Variants in FSTL5 observed in about 807,000 individuals in gnomAD.
FSTL5 encodes follistatin like 5, also known as follistatin-related protein 5.
FSTL5 carries 62 observed loss-of-function variants against 89.1 expected under a neutral mutation model. That is an observed-to-expected ratio of 0.70 (90% confidence interval 0.57 to 0.86). The LOEUF is 0.86. Ranked by LOEUF, FSTL5 falls within the 40% of genes least tolerant of loss-of-function variation. The probability of loss-of-function intolerance (pLI) is 0.00; values close to 1 mark genes in which losing one functional copy is unlikely to be tolerated. For missense variants in FSTL5, 1,057 were observed against 1,001.6 expected (o/e 1.06, Z -0.75); for synonymous variants, 383 against 346.2 (o/e 1.11, Z -1.18).
At chr4:161,648,789 GCTGT>G (rs1313188341) in intron 7 of FSTL5, among the ~76,000 whole-genome samples, 1 of 152,138 alleles carries the variant, frequency 6.6e-6, no homozygotes, top group East Asian at 1.9e-4. Context: ...ATACTAAAAA[GCTGT>G]CTGTCTTATG....
intron 6 of FSTL5, among the ~76,000 whole-genome samples, chr4:161,697,582 G>A (rs1367739950): frequency 1.3e-5 from 2 of 152,116 alleles, no homozygotes; most frequent in African/African-American, 2.4e-5. Context: ...ATCACAATAG[G>A]TAAGTTATAG....
intron 1 of FSTL5, among the ~76,000 whole-genome samples, chr4:162,150,745 C>A (rs1036509023): frequency 1.4e-4 from 22 of 152,094 alleles, no homozygotes; most frequent in African/African-American, 5.1e-4. Flanking sequence ...AATAATATGA[C>A]AATACCTATT....
chr4:161,574,428 C>T (rs912987195), intron 8 of FSTL5, among the ~76,000 whole-genome samples: 3 of 150,662 alleles, frequency 2.0e-5, no homozygotes, highest in African/African-American at 4.9e-5. Context: ...CATGTGCCAG[C>T]GTGGTTTGCT....
intron 15 of FSTL5, among the ~76,000 whole-genome samples, chr4:161,403,101 T>A (rs901580791): frequency 6.6e-6 from 1 of 152,196 alleles, no homozygotes; most frequent in Non-Finnish European, 1.5e-5. Flanking sequence ...AGTGCTGGGA[T>A]TACAGGCGTG....
chr4:161,851,515 T>C (rs1645515559), intron 4 of FSTL5, among the ~76,000 whole-genome samples: 1 of 152,166 alleles, frequency 6.6e-6, no homozygotes, highest in Non-Finnish European at 1.5e-5. Flanking sequence ...ACAAAAAGTA[T>C]GTGTCTATAT....
chr4:161,749,886 T>G (rs1313062958), intron 6 of FSTL5, among the ~76,000 whole-genome samples: 1 of 151,456 alleles, frequency 6.6e-6, no homozygotes, highest in Non-Finnish European at 1.5e-5. Flanking sequence ...GGAGTGAGAG[T>G]TGAAAAATTA....
At chr4:161,733,976 A>AT (rs1311049021) in intron 6 of FSTL5, among the ~76,000 whole-genome samples, 1 of 151,932 alleles carries the variant, frequency 6.6e-6, no homozygotes, top group Non-Finnish European at 1.5e-5. Flanking sequence ...GATATACAGA[A>AT]TTTTTTTCTT....
intron 1 of FSTL5, among the ~76,000 whole-genome samples, chr4:162,148,209 G>A (rs1733076193): frequency 6.6e-6 from 1 of 152,096 alleles, no homozygotes; most frequent in African/African-American, 2.4e-5. Flanking sequence ...ACCTTCCCAT[G>A]TTAGGTGACT....
chr4:161,868,105 ATGTT>A (rs35520093), intron 4 of FSTL5, among the ~76,000 whole-genome samples: 5,994 of 152,208 alleles, frequency 0.039, 182 homozygotes, highest in East Asian at 0.15. Context: ...AAATATGTAA[ATGTT>A]TGAGGAATAG....
intron 6 of FSTL5, among the ~76,000 whole-genome samples, chr4:161,672,772 T>A (rs1004507055): frequency 3.3e-5 from 5 of 151,714 alleles, no homozygotes; most frequent in Non-Finnish European, 7.4e-5. Flanking sequence ...AGTAATTTTT[T>A]AAATTAGAAA....
chr4:161,903,331 C>A (rs1733425365), intron 4 of FSTL5, among the ~76,000 whole-genome samples: 1 of 152,000 alleles, frequency 6.6e-6, no homozygotes, highest in Non-Finnish European at 1.5e-5. Context: ...CTTTAAAAAT[C>A]TTCTTTCTTT....
At chr4:161,705,539 T>G in intron 6 of FSTL5, among the ~76,000 whole-genome samples, 1 of 151,982 alleles carries the variant, frequency 6.6e-6, no homozygotes, top group East Asian at 1.9e-4. Context: ...AGAAAACCAT[T>G]AAGGAAATTT....
At chr4:161,963,724 A>G (rs1392913255) in intron 3 of FSTL5, among the ~76,000 whole-genome samples, 2 of 151,992 alleles carry the variant, frequency 1.3e-5, no homozygotes, top group African/African-American at 4.8e-5. Flanking sequence ...AACATAATGT[A>G]CATACTTATG....
chr4:161,658,531 GTC>G (rs373795879), intron 6 of FSTL5, among the ~76,000 whole-genome samples: 2 of 151,466 alleles, frequency 1.3e-5, no homozygotes, highest in Non-Finnish European at 2.9e-5. Flanking sequence ...CATATGACAT[GTC>G]TCTGTTATAT....
At chr4:162,134,779 T>C (rs902852) in intron 1 of FSTL5, among the ~76,000 whole-genome samples, 116,274 of 151,746 alleles carry the variant, frequency 0.77, 44,981 homozygotes, top group Non-Finnish European at 0.83. Flanking sequence ...AACTCAATCT[T>C]ATGCAATGGC....
At chr4:161,962,291 G>C (rs1735203522) in intron 3 of FSTL5, among the ~76,000 whole-genome samples, 1 of 151,776 alleles carries the variant, frequency 6.6e-6, no homozygotes, top group African/African-American at 2.4e-5. Context: ...TATTGTTCTG[G>C]TTACCTTTTC....
intron 3 of FSTL5, among the ~76,000 whole-genome samples, chr4:162,021,908 T>C (rs960378929): frequency 1.1e-4 from 16 of 151,928 alleles, no homozygotes; most frequent in Non-Finnish European, 2.4e-4. Flanking sequence ...CTGGCCAATA[T>C]GGTGAAACCC....
intron 15 of FSTL5, among the ~76,000 whole-genome samples, chr4:161,394,876 T>C (rs1327797789): frequency 6.6e-6 from 1 of 152,212 alleles, no homozygotes; most frequent in African/African-American, 2.4e-5. Flanking sequence ...TCAAATTATC[T>C]CTAAATAAAC....
chr4:162,095,225 T>C (rs1183967507), intron 2 of FSTL5, among the ~76,000 whole-genome samples: 1 of 152,144 alleles, frequency 6.6e-6, no homozygotes, highest in Non-Finnish European at 1.5e-5. Context: ...TCTGCTGATA[T>C]GCATAGCAAC....
Sources: allele counts gnomAD v4.1 joint callset (sites outside exome capture counted in the v4.1 genomes callset), GRCh38; gene constraint gnomAD v4.1.1; transcripts MANE v1.5; gene names NCBI Gene and HGNC (gene_info 2026-07-23, HGNC 2026-07-21).